NECAB1: variants seen among roughly 807,000 people sequenced by gnomAD.
NECAB1 encodes N-terminal EF-hand calcium-binding protein 1.
Under a neutral mutation model 57.5 loss-of-function variants are expected in NECAB1, and 29 were observed. That is an observed-to-expected ratio of 0.50 (90% CI 0.38 to 0.69). NECAB1 has a LOEUF of 0.69. Among genes scored for constraint, NECAB1 ranks in the 30% least tolerant of loss-of-function variants. The pLI is 0.00. For missense variants in NECAB1, 372 were observed against 413.8 expected (o/e 0.90, Z 0.88); for synonymous variants, 142 against 147.7 (o/e 0.96, Z 0.28).
intron 2 of NECAB1, among the ~76,000 whole-genome samples, chr8:90,809,354 T>C (rs1404581271): frequency 6.6e-6 from 1 of 152,230 alleles, no homozygotes; most frequent in African/African-American, 2.4e-5. Flanking sequence ...CTTCAAAACC[T>C]AGTCACTTCT....
At chr8:90,943,703 A>G (rs1027473845) in intron 10 of NECAB1, among the ~76,000 whole-genome samples, 1 of 152,210 alleles carries the variant, frequency 6.6e-6, no homozygotes, top group Non-Finnish European at 1.5e-5. Flanking sequence ...AAATACCTCC[A>G]TAAAATAAAA....
chr8:90,936,121 G>A (rs560401402), intron 9 of NECAB1, among the ~76,000 whole-genome samples: 2 of 152,124 alleles, frequency 1.3e-5, no homozygotes, highest in South Asian at 4.1e-4. Flanking sequence ...TATTCAGAAT[G>A]ACCAAAATCA....
chr8:90,814,179 C>T (rs983637507), intron 2 of NECAB1, among the ~76,000 whole-genome samples: 1 of 152,176 alleles, frequency 6.6e-6, no homozygotes, highest in Non-Finnish European at 1.5e-5. Context: ...TTGTAGCATG[C>T]ACTTCATTTG....
In NECAB1 at chr8:90,804,287, C is replaced by T. The variant is rs987271366; in HGVS notation, c.124+2572C>T. Among the ~76,000 whole-genome samples the T allele has an allele frequency of 2.9e-4, 44 of 151,658 alleles. 1 individual carries two copies. In the Middle Eastern group the frequency reaches 0.01, roughly 35 times the overall value. ...TAGCCAAACACAGAAAGACAAATAC[C>T]TCTTATACATCTATATCGAGCCTAA... is the stretch of plus-strand genomic sequence containing the variant. On this transcript the variant is annotated intron_variant, in intron 2 of 12. Transcript: ENST00000417640.
chr8:90,793,880 A>G (rs1007591375), intron 1 of NECAB1, among the ~76,000 whole-genome samples: 1 of 152,250 alleles, frequency 6.6e-6, no homozygotes, highest in African/African-American at 2.4e-5. Flanking sequence ...GTTCAACTGC[A>G]ATGTTTTCGA....
At chr8:90,924,899 A>G (rs1215673284) in intron 6 of NECAB1, among the ~76,000 whole-genome samples, 1 of 152,042 alleles carries the variant, frequency 6.6e-6, no homozygotes, top group African/African-American at 2.4e-5. Context: ...TTATATACTG[A>G]TAATTTAGAA....
At chr8:90,838,020 A>T (rs1280294197) in intron 3 of NECAB1, among the ~76,000 whole-genome samples, 2 of 152,226 alleles carry the variant, frequency 1.3e-5, no homozygotes, top group Non-Finnish European at 2.9e-5. Context: ...GCTCATAAAA[A>T]TTCATAGGGA....
intron 4 of NECAB1, among the ~76,000 whole-genome samples, chr8:90,874,427 T>A (rs186631532): frequency 6.6e-6 from 1 of 152,364 alleles, no homozygotes; most frequent in Admixed American, 6.5e-5. Context: ...ATAACTACTA[T>A]TTTTAAAATT....
chr8:90,921,848 C>T (rs1055303944), intron 6 of NECAB1, among the ~76,000 whole-genome samples: 1 of 152,168 alleles, frequency 6.6e-6, no homozygotes, highest in Non-Finnish European at 1.5e-5. Flanking sequence ...TCATCTATTC[C>T]ATCTATCAGC....
chr8:90,955,377 T>A lies in NECAB1; in HGVS notation c.1031-110T>A, dbSNP rs190185354. ...TGGTGACTAGAAAGATAAGTTATTATGCAGACTAAAGGTAAGGGGAATGGT... is the reference window on the plus strand; with the variant it reads ...TGGTGACTAGAAAGATAAGTTATTAAGCAGACTAAAGGTAAGGGGAATGGT... On this transcript the variant is annotated intron_variant, in intron 12 of 12. Coordinates refer to ENST00000417640, the MANE Select transcript of NECAB1 (RefSeq NM_022351.5). The A allele has an allele frequency of 5.5e-4, 405 of 733,776 alleles. 8 individuals are homozygous for A. In the East Asian group the frequency reaches 0.011, roughly 20 times the overall value. The allele number at this position is 733,776 out of a possible 1,614,324, so 45.5% of individuals were successfully genotyped here.
chr8:90,853,924 C>A (rs544860247), intron 3 of NECAB1, among the ~76,000 whole-genome samples: 1 of 115,806 alleles, frequency 8.6e-6, no homozygotes, highest in South Asian at 2.4e-4. Context: ...TAAGGGAAAA[C>A]AGGAATTAGG....
intron 3 of NECAB1, among the ~76,000 whole-genome samples, chr8:90,864,673 GT>G (rs1162442226): frequency 2.0e-5 from 3 of 152,062 alleles, no homozygotes; most frequent in Admixed American, 2.0e-4. Flanking sequence ...CATTTATGCT[GT>G]CCCACTCCTT....
At chr8:90,866,651 C>T (rs1385394176) in intron 3 of NECAB1, among the ~76,000 whole-genome samples, 1 of 152,110 alleles carries the variant, frequency 6.6e-6, no homozygotes, top group East Asian at 1.9e-4. Flanking sequence ...GTTTAAAAGT[C>T]ACAATCCTTT....
chr8:90,848,567 T>C (rs1314563787), intron 3 of NECAB1, among the ~76,000 whole-genome samples: 1 of 152,202 alleles, frequency 6.6e-6, no homozygotes, highest in Non-Finnish European at 1.5e-5. Flanking sequence ...AGAGGTTTAA[T>C]GTACTCACAG....
intron 5 of NECAB1, among the ~76,000 whole-genome samples, chr8:90,914,728 C>T (rs1175578277): frequency 6.6e-6 from 1 of 152,150 alleles, no homozygotes; most frequent in Non-Finnish European, 1.5e-5. Flanking sequence ...GATGAGTGGC[C>T]AGTTGTCTGA....
chr8:90,810,370 T>C (rs1811936956), intron 2 of NECAB1, among the ~76,000 whole-genome samples: 1 of 152,208 alleles, frequency 6.6e-6, no homozygotes, highest in African/African-American at 2.4e-5. Context: ...ATTTTGTGAG[T>C]GCTCTTTAAA....
At chr8:90,907,141 T>TGAGAGAGAGAGA (rs1352529506) in intron 5 of NECAB1, among the ~76,000 whole-genome samples, 4 of 127,108 alleles carry the variant, frequency 3.1e-5, no homozygotes, top group East Asian at 2.8e-4. Context: ...TGTGTGTGTG[T>TGAGAGAGAGAGA]GTGTGTGTGT....
At chr8:90,887,777 C>T (rs1197309183) in intron 5 of NECAB1, among the ~76,000 whole-genome samples, 1 of 152,178 alleles carries the variant, frequency 6.6e-6, no homozygotes, top group African/African-American at 2.4e-5. Context: ...CCAGAAGAGG[C>T]TGTGGTTTAC....
At position 90,847,502 on chromosome 8, in the gene NECAB1, C is replaced by T. The variant is rs150062016; in HGVS notation, c.233+22677C>T. ...GATGGTGGCCCTCTTCTCACAGCTC[C>T]ACTAGGCAGTGCCTCAGGTGGGGAC... On this transcript the variant is annotated intron_variant, in intron 3 of 12. Coordinates refer to ENST00000417640, the MANE Select transcript of NECAB1 (RefSeq NM_022351.5). Among the ~76,000 whole-genome samples the T allele has an allele frequency of 6.5e-3, 985 of 152,366 alleles. 6 individuals are homozygous for T. Among genetic ancestry groups the T allele is most frequent in the African/African-American group, 0.022 (915 of 41,590 alleles).
Sources: allele counts gnomAD v4.1 joint callset (sites outside exome capture counted in the v4.1 genomes callset), GRCh38; gene constraint gnomAD v4.1.1; transcripts MANE v1.5; gene names NCBI Gene and HGNC (gene_info 2026-07-23, HGNC 2026-07-21).